The following SPEF2 variants were observed in gnomAD, a reference collection of about 807,000 sequenced individuals.
The protein encoded by SPEF2 is sperm flagella and cilia-associated protein 2.
SPEF2 carries 187 observed loss-of-function variants against 224.6 expected under a neutral mutation model. The observed-to-expected ratio is 0.83, with a 90% CI of 0.74 to 0.94. The LOEUF is 0.94. SPEF2 is among the 40% of genes least tolerant of loss of function. SPEF2 has a pLI of 0.00. For missense variants in SPEF2, 2,170 were observed against 2,135.6 expected, an observed-to-expected ratio of 1.02 and a Z score of -0.32; for synonymous variants, 715 against 707.3, an observed-to-expected ratio of 1.01 and a Z score of -0.17.
At chr5:35,743,203 T>C (rs1485940073) in intron 23 of SPEF2, among the ~76,000 whole-genome samples, 1 of 151,716 alleles carries the variant, frequency 6.6e-6, no homozygotes, top group Non-Finnish European at 1.5e-5. Flanking sequence ...TAAATATAAC[T>C]TCAAAAAGAA....
chr5:35,800,074 A>G lies in SPEF2; in HGVS notation c.4937A>G (p.Tyr1646Cys). ...CACCCAGACACCGTGGAAGGAGTCT[A>G]CAGGGCCCTCAGTGTGGCTGTTGGA... ...ACHPDTVEGV[Y>C]RALSVAVGTH... The change falls in exon 34 of 37, where the codon TAC becomes TGC. Residue 1646 changes from tyrosine (Y) to cysteine (C), a missense_variant. Coordinates refer to ENST00000356031, the MANE Select transcript of SPEF2 (RefSeq NM_024867.4). 1.2e-6 allele frequency: 2 copies of G among 1,614,172 alleles called. No homozygotes were observed. Among genetic ancestry groups the G allele is most frequent in the African/African-American group, 1.3e-5 (1 of 75,046 alleles).
intron 35 of SPEF2, 29 bp from the exon 36 acceptor site, chr5:35,807,098 GTTGA>G (rs1561395730): frequency 6.3e-7 from 1 of 1,596,896 alleles, no homozygotes; most frequent in Non-Finnish European, 8.5e-7. Context: ...GGATTGTGAG[GTTGA>G]TTAACTTCAT....
intron 21 of SPEF2, among the ~76,000 whole-genome samples, chr5:35,737,412 G>T (rs899092511): frequency 2.3e-5 from 3 of 130,736 alleles, no homozygotes; most frequent in Non-Finnish European, 4.6e-5. Context: ...CCCTTCCTGT[G>T]TCCAAGTGTT....
intron 2 of SPEF2, among the ~76,000 whole-genome samples, chr5:35,635,705 A>G (rs1745740247): frequency 6.6e-6 from 1 of 152,186 alleles, no homozygotes; most frequent in Admixed American, 6.5e-5. Flanking sequence ...GATTCAGATG[A>G]TTCTGGTGTT....
At chr5:35,740,626 AAGG>A (rs148448458) in intron 23 of SPEF2, among the ~76,000 whole-genome samples, 3 of 152,274 alleles carry the variant, frequency 2.0e-5, no homozygotes, top group East Asian at 1.9e-4. Context: ...TGTTGATAGC[AAGG>A]AGAAGAGGAA....
At chr5:35,788,228 A>T (rs1399472837) in intron 30 of SPEF2, 1 of 702,902 alleles carries the variant, frequency 1.4e-6, no homozygotes, top group East Asian at 2.7e-5. Context: ...GAGCAAAGTA[A>T]CCCTCGGGAG....
At chr5:35,765,550 A>G (rs907546840) in intron 26 of SPEF2, among the ~76,000 whole-genome samples, 1 of 152,166 alleles carries the variant, frequency 6.6e-6, no homozygotes, top group African/African-American at 2.4e-5. Flanking sequence ...TCACCGCACT[A>G]TCATCTTTGT....
chr5:35,697,963 T>C (rs1755571610), intron 15 of SPEF2, 170 bp downstream of exon 15: 2 of 484,022 alleles, frequency 4.1e-6, no homozygotes, highest in Admixed American at 7.7e-5. Flanking sequence ...CTTACGTGCC[T>C]ATATTCCGCT....
intron 21 of SPEF2, among the ~76,000 whole-genome samples, chr5:35,728,521 CTGA>C (rs1318110994): frequency 3.9e-5 from 6 of 152,188 alleles, no homozygotes; most frequent in African/African-American, 1.4e-4. Flanking sequence ...ATCTCTTATT[CTGA>C]TGAACTCAGT....
chr5:35,756,144 T>A (rs1208483622), intron 24 of SPEF2, among the ~76,000 whole-genome samples: 1 of 152,220 alleles, frequency 6.6e-6, no homozygotes, highest in Admixed American at 6.5e-5. Flanking sequence ...AATCTCACAC[T>A]GTTTCATTCT....
chr5:35,727,644 G>GTGAAT, intron 20 of SPEF2, 31 bp from the exon 21 acceptor site: 6 of 1,589,362 alleles, frequency 3.8e-6, no homozygotes, highest in Non-Finnish European at 5.2e-6. Context: ...TCATTTACTT[G>GTGAAT]TATTGGAATA....
rs554426571 is a variant in SPEF2, at chr5:35,781,062, C to A, written c.4447+1716C>A. Among the ~76,000 whole-genome samples, 229 of 151,406 alleles carry A rather than the reference C, an allele frequency of 1.5e-3. 1 individual carries two copies. Among genetic ancestry groups the A allele is most frequent in the Admixed American group, 3.7e-3 (56 of 15,220 alleles). On this transcript the variant is annotated intron_variant, in intron 30 of 36. Coordinates refer to ENST00000356031, the MANE Select transcript of SPEF2 (RefSeq NM_024867.4). ...AACCCTTGGGACACAAAGATGTCAA[C>A]AGATAAATGTTTTCAGACTATGGGA...
chr5:35,811,718 T>C (rs550185949), intron 36 of SPEF2, among the ~76,000 whole-genome samples: 2 of 151,656 alleles, frequency 1.3e-5, no homozygotes, highest in African/African-American at 2.4e-5. Context: ...GAGATACTAC[T>C]ACTACTACTA....
intron 32 of SPEF2, among the ~76,000 whole-genome samples, chr5:35,794,185 TCA>T (rs1452659660): frequency 8.5e-5 from 13 of 152,340 alleles, no homozygotes; most frequent in African/African-American, 3.1e-4. Flanking sequence ...AAACAAAATT[TCA>T]TAACTGAGAG....
At chr5:35,620,585 G>A (rs898838274) in intron 1 of SPEF2, among the ~76,000 whole-genome samples, 4 of 152,110 alleles carry the variant, frequency 2.6e-5, no homozygotes, top group African/African-American at 9.7e-5. Flanking sequence ...GACGTTTATT[G>A]CTACATGAAT....
chr5:35,644,572 A>C lies in SPEF2; in HGVS notation c.585+47A>C, dbSNP rs779063650. The C allele has an allele frequency of 4.1e-6, 6 of 1,464,032 alleles. No individual in the cohort carries two copies. The East Asian group carries it at 1.4e-4, about 34-fold the overall frequency. The allele number at this position is 1,464,032 out of a possible 1,614,324, so 90.7% of individuals were successfully genotyped here. ...AGAAATTCATTAGTGCATAGTATACAGTTTGTGATTTATGCGTATAGTACA... is the reference window on the plus strand; with the variant it reads ...AGAAATTCATTAGTGCATAGTATACCGTTTGTGATTTATGCGTATAGTACA... On this transcript the variant is annotated intron_variant, in intron 4 of 36. Coordinates refer to ENST00000356031, the MANE Select transcript of SPEF2 (RefSeq NM_024867.4).
chr5:35,781,144 G>GT lies in SPEF2; in HGVS notation c.4447+1808dup, dbSNP rs901151350. 1.0e-3 allele frequency among the ~76,000 whole-genome samples: 155 copies of GT among 148,594 alleles called. 1 individual carries two copies. Among genetic ancestry groups the GT allele is most frequent in the East Asian group, 6.3e-3 (32 of 5,074 alleles). On this transcript the variant is annotated intron_variant, in intron 30 of 36. Coordinates refer to ENST00000356031, the MANE Select transcript of SPEF2 (RefSeq NM_024867.4). ...AAGGGAGGGAGGGAGAAACGGAGTT[G>GT]TTTTTTTTTTAATTTTTATTTTTTT...
At chr5:35,780,089 A>G (rs1304373837) in intron 30 of SPEF2, among the ~76,000 whole-genome samples, 1 of 152,186 alleles carries the variant, frequency 6.6e-6, no homozygotes. Context: ...GCCTATGGTC[A>G]TATATCATTC....
chr5:35,696,152 T>C (rs939405653), intron 14 of SPEF2, among the ~76,000 whole-genome samples: 2 of 152,186 alleles, frequency 1.3e-5, no homozygotes, highest in African/African-American at 4.8e-5. Context: ...ATCCTTACTC[T>C]TGTTGGTGAC....
Sources: gnomAD v4.1 joint callset for allele counts (sites outside exome capture counted in the v4.1 genomes callset) on GRCh38, gnomAD v4.1.1 for gene constraint, MANE v1.5 for transcripts, NCBI Gene and HGNC (gene_info 2026-07-23, HGNC 2026-07-21) for gene names.